Variants in ATXN10 observed in about 807,000 individuals in gnomAD.
ATXN10 encodes ataxin 10, also known as ataxin-10.
Under a neutral mutation model 52.9 loss-of-function variants are expected in ATXN10, and 28 were observed. That is an observed-to-expected ratio of 0.53 (90% CI 0.39 to 0.73). The LOEUF is 0.73. Ranked by LOEUF, ATXN10 falls within the 30% of genes least tolerant of loss-of-function variation. The pLI is 0.00. For synonymous variants in ATXN10, 226 were observed against 221.5 expected, an observed-to-expected ratio of 1.02 and a Z score of -0.18; for missense variants, 565 against 577.0, an observed-to-expected ratio of 0.98 and a Z score of 0.21.
intron 9 of ATXN10, among the ~76,000 whole-genome samples, chr22:45,773,822 G>GA (rs1926858839): frequency 6.6e-6 from 1 of 151,710 alleles, no homozygotes; most frequent in Non-Finnish European, 1.5e-5. Context: ...CAAAACCACA[G>GA]AAAGAAAAAA....
rs1927325884 is a variant in ATXN10, at chr22:45,786,437, G to T, written c.1174-20522G>T. On this transcript the variant is annotated intron_variant, in intron 9 of 11. Transcript: ENST00000252934. The surrounding 1 kb of genome is among the most constrained non-coding windows in gnomAD (Gnocchi z 4.1). ...ATTCTCGGCCTCACTGTGTTCCCGT[G>T]TGGCCACTGAGGCCCCGTGCAGTGG... Among the ~76,000 whole-genome samples, 1 of 152,194 alleles carries T rather than the reference G, an allele frequency of 6.6e-6. No individual in the cohort carries two copies. Among genetic ancestry groups the T allele is most frequent in the Non-Finnish European group, 1.5e-5 (1 of 68,040 alleles).
chr22:45,776,908 CT>C (rs1569060487), intron 9 of ATXN10, among the ~76,000 whole-genome samples: 1 of 152,052 alleles, frequency 6.6e-6, no homozygotes. Context: ...CCGTTTTCAG[CT>C]TTTTATTCCT....
chr22:45,693,419 G>A (rs916030390), intron 3 of ATXN10, among the ~76,000 whole-genome samples: 3 of 151,974 alleles, frequency 2.0e-5, no homozygotes, highest in Admixed American at 6.5e-5. Flanking sequence ...GGTGTTTTGC[G>A]GGGGCTGCTC....
chr22:45,693,144 G>A (rs776161459), intron 3 of ATXN10, 66 bp downstream of exon 3: 263 of 1,267,288 alleles, frequency 2.1e-4, no homozygotes, highest in Non-Finnish European at 2.8e-4. Flanking sequence ...AGTACTTTGA[G>A]TATTAACATC....
In ATXN10 at chr22:45,842,585, C is replaced by G. The variant is rs1929382712; in HGVS notation, c.1238-406C>G. On this transcript the variant is annotated intron_variant, in intron 10 of 11. Transcript: ENST00000252934. The surrounding 1 kb of genome is among the most constrained non-coding windows in gnomAD (Gnocchi z 4.8). ...TTCTTTAGTGCTCTTCTTATTCTTT[C>G]CCTAGTGAGTCAGTAACATAATTAT... Among the ~76,000 whole-genome samples, 1 of 152,172 alleles carries G rather than the reference C, an allele frequency of 6.6e-6. No homozygotes were observed. Among genetic ancestry groups the G allele is most frequent in the African/African-American group, 2.4e-5 (1 of 41,438 alleles).
rs1290427093 is a variant in ATXN10 at position 45,834,425 on chromosome 22, C to T, written c.1238-8566C>T. On this transcript the variant is annotated intron_variant, in intron 10 of 11. Transcript: ENST00000252934. ...CCCTGCCACCATCTGGGCAGTGAAGCTCTGCCGGTGTGCTACTGGCAGTGT... is the reference window on the plus strand; with the variant it reads ...CCCTGCCACCATCTGGGCAGTGAAGTTCTGCCGGTGTGCTACTGGCAGTGT... Among the ~76,000 whole-genome samples the T allele has an allele frequency of 3.9e-5, 6 of 152,336 alleles. 1 individual carries two copies. In the South Asian group the frequency reaches 1.0e-3, roughly 26 times the overall value.
At chr22:45,782,824 A>G (rs1000804620) in intron 9 of ATXN10, among the ~76,000 whole-genome samples, 3 of 152,246 alleles carry the variant, frequency 2.0e-5, no homozygotes, top group African/African-American at 7.2e-5. Flanking sequence ...CAAGACTCCC[A>G]GTAGATGTTG....
rs112336746 is a variant in ATXN10 at position 45,687,914 on chromosome 22, G to A, written c.117-1798G>A. 9.0e-3 allele frequency among the ~76,000 whole-genome samples: 1,375 copies of A among 152,136 alleles called. 13 individuals carry two copies. Among genetic ancestry groups the A allele is most frequent in the African/African-American group, 0.031 (1,276 of 41,510 alleles). On this transcript the variant is annotated intron_variant, in intron 1 of 11. Coordinates refer to ENST00000252934, the MANE Select transcript of ATXN10 (RefSeq NM_013236.4). ...TCTACTAAAAATACAAAAATTAGCC[G>A]GGCGTGGTGGCGTGTGCCTGTAGTC... is the stretch of plus-strand genomic sequence containing the variant.
intron 9 of ATXN10, among the ~76,000 whole-genome samples, chr22:45,776,738 T>C (rs960511995): frequency 6.6e-6 from 1 of 152,182 alleles, no homozygotes; most frequent in African/African-American, 2.4e-5. Flanking sequence ...AACGATAATA[T>C]ATGTAAAGTA....
chr22:45,771,521 A>G (rs1926778705), intron 9 of ATXN10, among the ~76,000 whole-genome samples: 1 of 145,752 alleles, frequency 6.9e-6, no homozygotes, highest in Non-Finnish European at 1.5e-5. Context: ...GGTTGAAGTG[A>G]TTTTCCTGCC....
rs533853506 is a variant in ATXN10, at chr22:45,762,082, A to T, written c.1173+21544A>T. The stretch of plus-strand genomic sequence containing the variant: ...TTCACTTTATGGTTTAAGTGAGCCA[A>T]CCAACAAAAGTTACTCATAAAAGAT... On this transcript the variant is annotated intron_variant, in intron 9 of 11. Coordinates refer to ENST00000252934, the MANE Select transcript of ATXN10 (RefSeq NM_013236.4). This position sits in a 1 kb window ranked among gnomAD's most constrained non-coding sequence, Gnocchi z 4.3. Among the ~76,000 whole-genome samples the T allele has an allele frequency of 7.0e-4, 107 of 152,332 alleles. 2 individuals are homozygous for T. The highest frequency in any genetic ancestry group is 1.8e-3 in the Admixed American group (28 of 15,304).
Position 45,843,215 on chromosome 22 carries a change from T to G in ATXN10, c.1425+37T>G. 1 of 1,608,528 alleles carries G rather than the reference T, an allele frequency of 6.2e-7. No individual in the cohort carries two copies. The highest frequency in any genetic ancestry group is 1.1e-5 in the South Asian group (1 of 90,908). ...CGAGGGAACTGTCCTTCCCTTTGGT[T>G]TGTAGAAAGCTGTTTCCACTTCCCC... On this transcript the variant is annotated intron_variant, in intron 11 of 11. Coordinates refer to ENST00000252934, the MANE Select transcript of ATXN10 (RefSeq NM_013236.4). This position sits in a 1 kb window ranked among gnomAD's most constrained non-coding sequence, Gnocchi z 4.5.
rs1922739477 is a variant in ATXN10, at chr22:45,677,396, T to A, written c.116+5217T>A. 1.4e-5 allele frequency: 2 copies of A among 144,808 alleles called. No individual in the cohort carries two copies. The highest frequency in any genetic ancestry group is 3.1e-5 in the Non-Finnish European group (2 of 64,002). The allele number at this position is 144,808 out of a possible 1,614,324, so 9.0% of individuals were successfully genotyped here. On this transcript the variant is annotated intron_variant, in intron 1 of 11. Transcript: ENST00000252934. The surrounding 1 kb of genome is among the most constrained non-coding windows in gnomAD (Gnocchi z 4.1). ...TTTTTCTTAGTCGTGTAGACAGTAA[T>A]TTTTTTTTTCAGCTTCTATCAGTAT...
chr22:45,672,360 G>A (rs1052245056), intron 1 of ATXN10, 181 bp downstream of exon 1: 3 of 578,008 alleles, frequency 5.2e-6, no homozygotes, highest in African/African-American at 2.0e-5. Flanking sequence ...TCGTGCTCGT[G>A]GGTCCCCGCG....
At chr22:45,675,073 A>G (rs1013440549) in intron 1 of ATXN10, 5 of 152,246 alleles carry the variant, frequency 3.3e-5, no homozygotes, top group Non-Finnish European at 7.3e-5. Context: ...TATGTGTAGC[A>G]TAGTGGTTTA....
chr22:45,713,813 T>C (rs1235659591), intron 5 of ATXN10, among the ~76,000 whole-genome samples: 17 of 152,098 alleles, frequency 1.1e-4, no homozygotes, highest in Admixed American at 9.8e-4. Context: ...GATCTTTCCA[T>C]ATTCCTATAT....
rs919686020 is a variant in ATXN10, at chr22:45,681,363, A to G, written c.117-8349A>G. Among the ~76,000 whole-genome samples the G allele has an allele frequency of 6.6e-6, 1 of 152,010 alleles. No homozygotes were observed. Among genetic ancestry groups the G allele is most frequent in the Non-Finnish European group, 1.5e-5 (1 of 68,004 alleles). On this transcript the variant is annotated intron_variant, in intron 1 of 11. Coordinates refer to ENST00000252934, the MANE Select transcript of ATXN10 (RefSeq NM_013236.4). This position sits in a 1 kb window ranked among gnomAD's most constrained non-coding sequence, Gnocchi z 4.2. ...CCTTCCCCCACAATCTCGAGTCCCA[A>G]TCCCTGTTTTATCTTCTCTTTAGGG...
chr22:45,704,801 C>G (rs936400858), intron 5 of ATXN10, among the ~76,000 whole-genome samples: 6 of 152,034 alleles, frequency 3.9e-5, no homozygotes, highest in Non-Finnish European at 5.9e-5. Flanking sequence ...ACTGGAAATT[C>G]CAATACAATG....
chr22:45,721,477 G>A (rs944894829), intron 6 of ATXN10, among the ~76,000 whole-genome samples: 8 of 152,130 alleles, frequency 5.3e-5, no homozygotes, highest in East Asian at 1.9e-4. Flanking sequence ...CCCCGTAAAC[G>A]TGTTGCAGGG....
Sources: allele counts gnomAD v4.1 joint callset (sites outside exome capture counted in the v4.1 genomes callset), GRCh38; gene constraint gnomAD v4.1.1; non-coding constraint Gnocchi (gnomAD v3.1); transcripts MANE v1.5; gene names NCBI Gene and HGNC (gene_info 2026-07-23, HGNC 2026-07-21).